Variants in PHF20 observed in about 807,000 individuals in gnomAD.
PHF20 encodes glioma-expressed antigen 2.
A neutral mutation model predicts 113.5 loss-of-function variants in PHF20; 23 were observed. The observed-to-expected ratio is 0.20, with a 90% CI of 0.15 to 0.29. The LOEUF (loss-of-function observed/expected upper bound fraction) is 0.29, where lower values mean the gene tolerates loss of function less well. PHF20 is among the 10% of genes least tolerant of loss of function. The probability of loss-of-function intolerance (pLI) is 1.00; values close to 1 mark genes in which losing one functional copy is unlikely to be tolerated. For missense variants in PHF20, 943 were observed against 1,219.6 expected (o/e 0.77, Z 3.38); for synonymous variants, 434 against 457.3 (o/e 0.95, Z 0.65).
chr20:35,923,578 T>TACCTTATCCCC (rs1327337860), intron 13 of PHF20, among the ~76,000 whole-genome samples: 1 of 152,204 alleles, frequency 6.6e-6, no homozygotes. Context: ...CACAGAGAAA[T>TACCTTATCCCC]ACCTTATCCC....
intron 9 of PHF20, among the ~76,000 whole-genome samples, chr20:35,894,929 C>T (rs575151856): frequency 6.6e-6 from 1 of 152,202 alleles, no homozygotes; most frequent in African/African-American, 2.4e-5. Context: ...AATCTCGGCT[C>T]ACTGCGATCT....
In PHF20 at chr20:35,862,062, T is replaced by C. The variant is rs373560529; in HGVS notation, c.421-951T>C. ...TGGCCTTATTATGAAACAGTCACAATAGAGGACCCTCGATTTTTAGTGTGA... is the reference window on the plus strand; with the variant it reads ...TGGCCTTATTATGAAACAGTCACAACAGAGGACCCTCGATTTTTAGTGTGA... On this transcript the variant is annotated intron_variant, in intron 5 of 17. Coordinates refer to ENST00000374012, the MANE Select transcript of PHF20 (RefSeq NM_016436.5). 3.3e-5 allele frequency among the ~76,000 whole-genome samples: 5 copies of C among 152,192 alleles called. No individual in the cohort carries two copies. The East Asian group carries it at 9.6e-4, about 29-fold the overall frequency.
intron 2 of PHF20, among the ~76,000 whole-genome samples, chr20:35,838,621 A>G (rs940013516): frequency 1.3e-5 from 2 of 152,194 alleles, no homozygotes; most frequent in African/African-American, 4.8e-5. Flanking sequence ...GCTGTGTGAT[A>G]TTAGGAAGGG....
Position 35,871,759 on chromosome 20 carries a change from G to A in PHF20, c.1212G>A (p.Met404Ile). 1 of 1,613,582 alleles carries A rather than the reference G, an allele frequency of 6.2e-7. No individual in the cohort carries two copies. The highest frequency in any genetic ancestry group is 8.5e-7 in the Non-Finnish European group (1 of 1,179,694). The change falls in exon 9 of 18, where the codon ATG becomes ATA. Residue 404 changes from methionine to isoleucine, a missense_variant. Coordinates refer to ENST00000374012, the MANE Select transcript of PHF20 (RefSeq NM_016436.5). Reference protein sequence around the residue: ...AAGLELNCPSMGENTMKTEPT... With the variant: ...AAGLELNCPSIGENTMKTEPT... ...GCTTGGAGTTGAACTGCCCATCAATGGGAGAAAACACGATGAAAACAGAAC... is the reference window on the plus strand; with the variant it reads ...GCTTGGAGTTGAACTGCCCATCAATAGGAGAAAACACGATGAAAACAGAAC...
chr20:35,875,267 G>A (rs538901408), intron 9 of PHF20, among the ~76,000 whole-genome samples: 5 of 151,802 alleles, frequency 3.3e-5, no homozygotes, highest in African/African-American at 7.2e-5. Flanking sequence ...GCTTGGTGGC[G>A]CACGCCTGTA....
chr20:35,916,069 C>T (rs973140913), intron 12 of PHF20, among the ~76,000 whole-genome samples: 36 of 152,142 alleles, frequency 2.4e-4, no homozygotes, highest in Non-Finnish European at 4.3e-4. Context: ...CCCAGGAGGT[C>T]AAGGCTGCAG....
chr20:35,886,563 T>C (rs1050052894), intron 9 of PHF20, among the ~76,000 whole-genome samples: 3 of 152,222 alleles, frequency 2.0e-5, no homozygotes, highest in Admixed American at 1.3e-4. Context: ...CATGGCGTGA[T>C]TGCCGACAAG....
intron 10 of PHF20, among the ~76,000 whole-genome samples, chr20:35,900,711 C>A (rs1347416915): frequency 6.6e-6 from 1 of 152,012 alleles, no homozygotes; most frequent in East Asian, 1.9e-4. Context: ...GTGGTGCATG[C>A]CTGTAATCCG....
rs1272877466 is a variant in PHF20, at chr20:35,948,591, A to ATTGTT, written c.*970_*974dup. 4 of 152,602 alleles carry ATTGTT rather than the reference A, an allele frequency of 2.6e-5. No individual in the cohort carries two copies. Among genetic ancestry groups the ATTGTT allele is most frequent in the African/African-American group, 9.7e-5 (4 of 41,442 alleles). 9.5% of individuals were successfully genotyped at this position (152,602 alleles called of 1,614,324 possible). On this transcript the variant is annotated 3_prime_UTR_variant, in exon 18 of 18. Transcript: ENST00000374012. Reference sequence around the variant, plus strand: ...GTGTTTAGTAGTCAGCGTTTTCAGAATTGTTTTGTTACTATACTTTAACAT... The same window carrying ATTGTT: ...GTGTTTAGTAGTCAGCGTTTTCAGAATTGTTTTGTTTTGTTACTATACTTTAACAT...
intron 9 of PHF20, among the ~76,000 whole-genome samples, chr20:35,887,439 C>T (rs755153875): frequency 6.6e-5 from 10 of 152,124 alleles, no homozygotes; most frequent in Non-Finnish European, 1.2e-4. Context: ...TGATGGTTGG[C>T]GGCATTCAGT....
intron 2 of PHF20, among the ~76,000 whole-genome samples, chr20:35,828,416 G>A (rs908945411): frequency 1.3e-5 from 2 of 151,938 alleles, no homozygotes; most frequent in Non-Finnish European, 2.9e-5. Context: ...TTTTCTCCCC[G>A]GCCCCATGAT....
chr20:35,868,865 TG>T (rs1209640152), intron 6 of PHF20, among the ~76,000 whole-genome samples: 2 of 152,072 alleles, frequency 1.3e-5, no homozygotes, highest in Non-Finnish European at 2.9e-5. Flanking sequence ...ACGAGGCAGC[TG>T]GATCACTTGA....
chr20:35,854,423 G>T (rs1262918205), intron 4 of PHF20, among the ~76,000 whole-genome samples: 1 of 152,182 alleles, frequency 6.6e-6, no homozygotes, highest in African/African-American at 2.4e-5. Flanking sequence ...TTTACATGTT[G>T]TTTGTTAGGT....
At chr20:35,858,918 T>C (rs2035159436) in intron 5 of PHF20, among the ~76,000 whole-genome samples, 1 of 152,204 alleles carries the variant, frequency 6.6e-6, no homozygotes, top group African/African-American at 2.4e-5. Context: ...TGCCAAATGC[T>C]TGGATACCAT....
chr20:35,780,826 A>C (rs546244315), intron 1 of PHF20, among the ~76,000 whole-genome samples: 12 of 143,736 alleles, frequency 8.3e-5, no homozygotes, highest in Admixed American at 7.7e-4. Flanking sequence ...GGGATTACAG[A>C]CATGAGCCAC....
chr20:35,937,924 T>G (rs929431306), intron 15 of PHF20, among the ~76,000 whole-genome samples: 1 of 152,050 alleles, frequency 6.6e-6, no homozygotes, highest in Non-Finnish European at 1.5e-5. Flanking sequence ...CAGGCTGGAG[T>G]GCAGTGGCGC....
At chr20:35,850,222 G>A (rs1258952300) in intron 4 of PHF20, among the ~76,000 whole-genome samples, 1 of 150,874 alleles carries the variant, frequency 6.6e-6, no homozygotes, top group Non-Finnish European at 1.5e-5. Context: ...CTACTTTCAG[G>A]GAATCTTTGT....
chr20:35,810,317 A>G lies in PHF20; in HGVS notation c.83+8712A>G, dbSNP rs530958145. Among the ~76,000 whole-genome samples, 41 of 152,268 alleles carry G rather than the reference A, an allele frequency of 2.7e-4. 1 individual carries two copies. The South Asian group carries it at 8.3e-3, about 31-fold the overall frequency. On this transcript the variant is annotated intron_variant, in intron 2 of 17. Coordinates refer to ENST00000374012, the MANE Select transcript of PHF20 (RefSeq NM_016436.5). ...TTGAGAACCTCTCTTCCAGTTCGGC[A>G]AGGTTTCCTCTGATTGATCCCCACC...
chr20:35,798,124 A>C lies in PHF20; in HGVS notation c.-32-3367A>C, dbSNP rs186417030. On this transcript the variant is annotated intron_variant, in intron 1 of 17. Transcript: ENST00000374012. ...TTTTTTCTTCCTGTCTTTACAAAAGAATCAGTGGCTGGGTACCATGGCTCA... is the reference window on the plus strand; with the variant it reads ...TTTTTTCTTCCTGTCTTTACAAAAGCATCAGTGGCTGGGTACCATGGCTCA... Among the ~76,000 whole-genome samples, 467 of 152,304 alleles carry C rather than the reference A, an allele frequency of 3.1e-3. 2 individuals carry two copies. Among genetic ancestry groups the C allele is most frequent in the Middle Eastern group, 6.8e-3 (2 of 294 alleles).
Sources: gnomAD v4.1 joint callset for allele counts (sites outside exome capture counted in the v4.1 genomes callset) on GRCh38, gnomAD v4.1.1 for gene constraint, MANE v1.5 for transcripts, NCBI Gene and HGNC (gene_info 2026-07-23, HGNC 2026-07-21) for gene names.